The following GRIK2 variants were observed in gnomAD, a reference collection of about 807,000 sequenced individuals.
GRIK2 encodes glutamate ionotropic receptor kainate type subunit 2, also known as glutamate receptor ionotropic, kainate 2.
GRIK2 carries 32 observed loss-of-function variants against 100.3 expected under a neutral mutation model. That is an observed-to-expected ratio of 0.32 (90% CI 0.24 to 0.43). The LOEUF is 0.43. Among genes scored for constraint, GRIK2 ranks in the 20% least tolerant of loss-of-function variants. The pLI is 1.00. For missense variants in GRIK2, 843 were observed against 1,114.9 expected, an observed-to-expected ratio of 0.76 and a Z score of 3.47; for synonymous variants, 417 against 389.4, an observed-to-expected ratio of 1.07 and a Z score of -0.83.
intron 11 of GRIK2, among the ~76,000 whole-genome samples, chr6:101,874,260 A>G: frequency 6.6e-6 from 1 of 152,006 alleles, no homozygotes. Context: ...ATCCATCGTG[A>G]ATTAATTTTT....
At chr6:101,530,587 T>C (rs1375052281) in intron 2 of GRIK2, among the ~76,000 whole-genome samples, 2 of 151,842 alleles carry the variant, frequency 1.3e-5, no homozygotes, top group African/African-American at 4.8e-5. Flanking sequence ...TGGAAAACCT[T>C]GAAGAATACA....
At chr6:101,525,468 G>A (rs980596837) in intron 2 of GRIK2, among the ~76,000 whole-genome samples, 1 of 152,070 alleles carries the variant, frequency 6.6e-6, no homozygotes, top group African/African-American at 2.4e-5. Flanking sequence ...TTGGAAAATT[G>A]AGTCCTATGA....
chr6:101,823,823 C>T (rs982685269), intron 10 of GRIK2, among the ~76,000 whole-genome samples: 5 of 145,932 alleles, frequency 3.4e-5, no homozygotes, highest in Admixed American at 1.4e-4. Flanking sequence ...TATGGGTTTT[C>T]GGGGGAACAG....
At chr6:102,030,978 CCT>C (rs952265116) in intron 14 of GRIK2, among the ~76,000 whole-genome samples, 13 of 150,672 alleles carry the variant, frequency 8.6e-5, no homozygotes, top group African/African-American at 2.9e-4. Flanking sequence ...TCAGTTTTTT[CCT>C]CTGTCAGTAA....
At chr6:101,581,621 ATACAACAC>A (rs1778102854) in intron 2 of GRIK2, among the ~76,000 whole-genome samples, 1 of 152,164 alleles carries the variant, frequency 6.6e-6, no homozygotes, top group Non-Finnish European at 1.5e-5. Context: ...AGCATTAACT[ATACAACAC>A]TAGTGTAAGT....
At chr6:102,044,400 A>G (rs1451330278) in intron 15 of GRIK2, among the ~76,000 whole-genome samples, 1 of 152,066 alleles carries the variant, frequency 6.6e-6, no homozygotes, top group Non-Finnish European at 1.5e-5. Flanking sequence ...GCTGATAAAG[A>G]CATACCCAAG....
rs116624029 is a variant in GRIK2, at chr6:101,943,264, G to A, written c.2085+14632G>A. On this transcript the variant is annotated intron_variant, in intron 14 of 16. Coordinates refer to ENST00000369134, the MANE Select transcript of GRIK2 (RefSeq NM_021956.5). ...AATCTTCACCTAGATTTTAGAGGAC[G>A]TATGGAAACACCTGGCTGTCCAGGC... Among the ~76,000 whole-genome samples the A allele has an allele frequency of 5.0e-3, 755 of 152,338 alleles. 9 individuals carry two copies. Among genetic ancestry groups the A allele is most frequent in the African/African-American group, 0.017 (689 of 41,588 alleles).
intron 4 of GRIK2, among the ~76,000 whole-genome samples, chr6:101,643,965 A>G (rs1781402437): frequency 6.6e-6 from 1 of 151,772 alleles, no homozygotes; most frequent in African/African-American, 2.4e-5. Flanking sequence ...TTGCTGCTTC[A>G]GTTAGGGTCC....
intron 7 of GRIK2, 148 bp from the exon 8 acceptor site, chr6:101,799,500 G>A: frequency 1.6e-6 from 1 of 618,342 alleles, no homozygotes; most frequent in South Asian, 2.0e-5. Flanking sequence ...GAGAACGAGA[G>A]CATGTTAGAG....
At chr6:101,555,663 T>G (rs1776702999) in intron 2 of GRIK2, among the ~76,000 whole-genome samples, 1 of 152,190 alleles carries the variant, frequency 6.6e-6, no homozygotes, top group African/African-American at 2.4e-5. Context: ...ATAATGTTTG[T>G]AGAAATTTTA....
intron 2 of GRIK2, chr6:101,620,230 A>G: frequency 1.1e-6 from 1 of 900,858 alleles, no homozygotes; most frequent in African/African-American, 1.8e-5. Flanking sequence ...GAAGAATACC[A>G]CTGTTCTTCT....
intron 14 of GRIK2, among the ~76,000 whole-genome samples, chr6:101,952,170 C>G (rs1402971639): frequency 6.6e-6 from 1 of 152,214 alleles, no homozygotes; most frequent in Non-Finnish European, 1.5e-5. Context: ...ATGACGGAAC[C>G]ATCCAGTATG....
At chr6:101,633,650 A>G (rs569658481) in intron 4 of GRIK2, among the ~76,000 whole-genome samples, 2 of 152,304 alleles carry the variant, frequency 1.3e-5, no homozygotes, top group Middle Eastern at 6.8e-3. Context: ...GAACTACAAT[A>G]AAGTTTAATA....
chr6:101,578,057 G>T (rs145596173), intron 2 of GRIK2, among the ~76,000 whole-genome samples: 321 of 152,286 alleles, frequency 2.1e-3, no homozygotes, highest in Middle Eastern at 6.8e-3. Context: ...TTCTCCCTTA[G>T]AAAGGAATGA....
chr6:101,825,943 A>G (rs2128425640), intron 10 of GRIK2, among the ~76,000 whole-genome samples: 1 of 152,240 alleles, frequency 6.6e-6, no homozygotes, highest in Middle Eastern at 3.4e-3. Flanking sequence ...TACTGGACAT[A>G]TATCCACTTA....
At chr6:101,848,138 AT>A (rs1416188559) in intron 10 of GRIK2, among the ~76,000 whole-genome samples, 2 of 152,098 alleles carry the variant, frequency 1.3e-5, no homozygotes, top group Non-Finnish European at 2.9e-5. Flanking sequence ...GCAGGCTACT[AT>A]CTTCAAGACT....
At chr6:101,950,717 T>C (rs535846950) in intron 14 of GRIK2, among the ~76,000 whole-genome samples, 1 of 152,332 alleles carries the variant, frequency 6.6e-6, no homozygotes, top group South Asian at 2.1e-4. Context: ...TATGTTTTTT[T>C]ATTTTGTCTT....
intron 2 of GRIK2, among the ~76,000 whole-genome samples, chr6:101,586,659 A>C (rs1034904448): frequency 6.6e-6 from 1 of 152,032 alleles, no homozygotes; most frequent in Non-Finnish European, 1.5e-5. Flanking sequence ...GCCTGTGCTC[A>C]GAAGTTTGAG....
intron 10 of GRIK2, among the ~76,000 whole-genome samples, chr6:101,846,181 A>G (rs1039291594): frequency 6.6e-6 from 1 of 152,060 alleles, no homozygotes; most frequent in Admixed American, 6.6e-5. Context: ...CAATTTATCT[A>G]TATATTTTTT....
Sources: allele counts gnomAD v4.1 joint callset (sites outside exome capture counted in the v4.1 genomes callset), GRCh38; gene constraint gnomAD v4.1.1; transcripts MANE v1.5; gene names NCBI Gene and HGNC (gene_info 2026-07-23, HGNC 2026-07-21).